Variants in KCNH8 observed in about 807,000 individuals in gnomAD.
KCNH8 encodes the protein potassium voltage-gated channel subfamily H member 8, also known as voltage-gated delayed rectifier potassium channel KCNH8.
Under a neutral mutation model 103.6 loss-of-function variants are expected in KCNH8, and 70 were observed. The ratio of observed to expected loss-of-function variants is 0.68; its 90% confidence interval spans 0.56 to 0.82. The LOEUF is 0.82. Ranked by LOEUF, KCNH8 falls within the 40% of genes least tolerant of loss-of-function variation. The probability of loss-of-function intolerance (pLI) is 0.00; values close to 1 mark genes in which losing one functional copy is unlikely to be tolerated. For synonymous variants in KCNH8, 498 were observed against 489.4 expected, an observed-to-expected ratio of 1.02 and a Z score of -0.23; for missense variants, 1,217 against 1,329.9, an observed-to-expected ratio of 0.92 and a Z score of 1.32.
At chr3:19,334,114 C>G (rs901228019) in intron 3 of KCNH8, among the ~76,000 whole-genome samples, 10 of 151,976 alleles carry the variant, frequency 6.6e-5, no homozygotes, top group Middle Eastern at 3.2e-3. Flanking sequence ...CCCCTCATTA[C>G]AGTCCCGTAT....
intron 1 of KCNH8, among the ~76,000 whole-genome samples, chr3:19,168,668 G>A (rs932032062): frequency 1.3e-4 from 20 of 152,284 alleles, no homozygotes; most frequent in African/African-American, 4.6e-4. Flanking sequence ...TAGAATGAGG[G>A]CATGTGCCAT....
chr3:19,276,676 G>A (rs1423225535), intron 2 of KCNH8, among the ~76,000 whole-genome samples: 1 of 152,020 alleles, frequency 6.6e-6, no homozygotes, highest in East Asian at 1.9e-4. Flanking sequence ...TTATTAGTTA[G>A]CTATTATGAG....
chr3:19,240,310 A>G (rs1398125200), intron 1 of KCNH8, among the ~76,000 whole-genome samples: 1 of 152,090 alleles, frequency 6.6e-6, no homozygotes, highest in African/African-American at 2.4e-5. Flanking sequence ...CATAGCTATC[A>G]TCCTTAAACT....
At chr3:19,380,962 C>A (rs896893721) in intron 5 of KCNH8, among the ~76,000 whole-genome samples, 11 of 152,156 alleles carry the variant, frequency 7.2e-5, no homozygotes, top group African/African-American at 2.7e-4. Flanking sequence ...AAGTGAGAAT[C>A]TATTTTTCTC....
chr3:19,416,576 T>G (rs2066866413), intron 7 of KCNH8, among the ~76,000 whole-genome samples: 1 of 152,212 alleles, frequency 6.6e-6, no homozygotes, highest in Non-Finnish European at 1.5e-5. Flanking sequence ...TCATGTGTTT[T>G]GTAATTTTTA....
At chr3:19,311,823 G>A (rs541143535) in intron 3 of KCNH8, among the ~76,000 whole-genome samples, 2 of 151,988 alleles carry the variant, frequency 1.3e-5, no homozygotes, top group South Asian at 4.2e-4. Context: ...CTGAGATGAT[G>A]CACATCCTTG....
At chr3:19,515,501 T>C (rs1325632131) in intron 14 of KCNH8, 73 bp downstream of exon 14, 1 of 520,560 alleles carries the variant, frequency 1.9e-6, no homozygotes, top group African/African-American at 2.2e-5. Context: ...TATGGGCATT[T>C]TTTTTTTTTT....
At chr3:19,345,956 A>G (rs2065723062) in intron 4 of KCNH8, among the ~76,000 whole-genome samples, 1 of 152,102 alleles carries the variant, frequency 6.6e-6, no homozygotes, top group South Asian at 2.1e-4. Context: ...TAATCAGCAT[A>G]ATCAAAGACA....
intron 7 of KCNH8, among the ~76,000 whole-genome samples, chr3:19,429,420 C>T (rs1463825329): frequency 1.3e-5 from 2 of 151,978 alleles, no homozygotes; most frequent in Non-Finnish European, 2.9e-5. Flanking sequence ...GTGATCCGCC[C>T]GCCTCGGCCT....
At chr3:19,287,604 TGA>T in intron 3 of KCNH8, among the ~76,000 whole-genome samples, 1 of 151,966 alleles carries the variant, frequency 6.6e-6, no homozygotes, top group African/African-American at 2.4e-5. Flanking sequence ...TTGTTGTTGT[TGA>T]GTTGGAGTCT....
At chr3:19,263,663 A>C (rs1159592982) in intron 2 of KCNH8, among the ~76,000 whole-genome samples, 1 of 152,072 alleles carries the variant, frequency 6.6e-6, no homozygotes, top group Admixed American at 6.6e-5. Flanking sequence ...TTGTGAACTC[A>C]TCTAGGAGAT....
At chr3:19,165,125 A>C (rs930515679) in intron 1 of KCNH8, among the ~76,000 whole-genome samples, 6 of 152,066 alleles carry the variant, frequency 3.9e-5, no homozygotes, top group African/African-American at 1.4e-4. Flanking sequence ...CAAATTGTAC[A>C]CTCTGTGCAG....
At chr3:19,498,819 G>C (rs2068507268) in intron 11 of KCNH8, among the ~76,000 whole-genome samples, 1 of 152,136 alleles carries the variant, frequency 6.6e-6, no homozygotes, top group Non-Finnish European at 1.5e-5. Flanking sequence ...CTCAGCTGCA[G>C]GTCTGCTGGA....
chr3:19,262,741 G>A (rs929115142), intron 2 of KCNH8, among the ~76,000 whole-genome samples: 10 of 152,028 alleles, frequency 6.6e-5, no homozygotes, highest in African/African-American at 2.4e-4. Flanking sequence ...GACACTTGTA[G>A]TTGCTTTAGA....
chr3:19,426,577 GT>G (rs2067032267), intron 7 of KCNH8, among the ~76,000 whole-genome samples: 1 of 150,882 alleles, frequency 6.6e-6, no homozygotes, highest in Non-Finnish European at 1.5e-5. Context: ...AGTAAATTTT[GT>G]TTTGCCATAG....
intron 11 of KCNH8, among the ~76,000 whole-genome samples, chr3:19,482,227 C>T (rs2068101408): frequency 6.6e-6 from 1 of 152,168 alleles, no homozygotes; most frequent in African/African-American, 2.4e-5. Flanking sequence ...ATAACGTAAC[C>T]CATTAGGTCA....
chr3:19,413,799 TA>T, intron 7 of KCNH8, among the ~76,000 whole-genome samples: 1 of 152,136 alleles, frequency 6.6e-6, no homozygotes, highest in African/African-American at 2.4e-5. Context: ...TCCTCTGTTT[TA>T]AAAACAAAAG....
At chr3:19,297,052 C>T (rs1320750157) in intron 3 of KCNH8, among the ~76,000 whole-genome samples, 2 of 151,962 alleles carry the variant, frequency 1.3e-5, no homozygotes, top group Non-Finnish European at 2.9e-5. Context: ...AAAGCAAACA[C>T]ATTAGAGTAC....
Position 19,510,404 on chromosome 3 carries a change from A to G in KCNH8, c.2079+3A>G. 6.4e-7 allele frequency: 1 copy of G among 1,562,034 alleles called. No homozygotes were observed. The highest frequency in any genetic ancestry group is 8.8e-7 in the Non-Finnish European group (1 of 1,132,818). On this transcript the variant is annotated splice_donor_region_variant and intron_variant, in intron 12 of 15. Coordinates refer to ENST00000328405, the MANE Select transcript of KCNH8 (RefSeq NM_144633.3). ...CAAACAAATCTATGGTCTCACAGGT[A>G]TGGCTTTTGCTACACAGCAAAATAT...
Sources: allele counts gnomAD v4.1 joint callset (sites outside exome capture counted in the v4.1 genomes callset), GRCh38; gene constraint gnomAD v4.1.1; transcripts MANE v1.5; gene names NCBI Gene and HGNC (gene_info 2026-07-23, HGNC 2026-07-21).